PCTP: variants seen among roughly 807,000 people sequenced by gnomAD.
PCTP encodes the protein phosphatidylcholine transfer protein, also known as START domain-containing protein 2.
PCTP carries 27 observed loss-of-function variants against 31.0 expected under a neutral mutation model. That is an observed-to-expected ratio of 0.87 (90% CI 0.64 to 1.20). The LOEUF is 1.20. Among genes scored for constraint, PCTP ranks in the 50% most tolerant of loss-of-function variants. The pLI is 0.00. For missense variants in PCTP, 287 were observed against 268.2 expected, an observed-to-expected ratio of 1.07 and a Z score of -0.49; for synonymous variants, 108 against 101.2, an observed-to-expected ratio of 1.07 and a Z score of -0.40.
At chr17:55,778,392 G>A (rs369560528), downstream of PCTP, among the ~76,000 whole-genome samples, 21 of 152,270 alleles carry the variant, frequency 1.4e-4, 2 homozygotes, top group Admixed American at 9.2e-4. Flanking sequence ...TTTCCAAGTA[G>A]ACAACCAGCA....
At chr17:55,777,626 C>G (rs1286508954), downstream of PCTP, among the ~76,000 whole-genome samples, 1 of 152,144 alleles carries the variant, frequency 6.6e-6, no homozygotes, top group Non-Finnish European at 1.5e-5. Context: ...TCGCTAACAG[C>G]AATAGGTAGG....
chr17:55,759,389 G>A (rs1910219409), intron 1 of PCTP, among the ~76,000 whole-genome samples: 2 of 152,126 alleles, frequency 1.3e-5, no homozygotes, highest in Admixed American at 6.5e-5. Flanking sequence ...TCTTAGAGAG[G>A]TCTTAAATAT....
At chr17:55,824,780 A>G (rs144436523), downstream of PCTP, among the ~76,000 whole-genome samples, 454 of 151,714 alleles carry the variant, frequency 3.0e-3, 1 homozygote, top group African/African-American at 0.011. Flanking sequence ...GCCTCACTAA[A>G]CTCCCTCTTG....
At chr17:55,784,663 T>C (rs1911685907) in intron 2 of PCTP, among the ~76,000 whole-genome samples, 1 of 152,166 alleles carries the variant, frequency 6.6e-6, no homozygotes, top group Admixed American at 6.5e-5. Context: ...AGAAAGGTCA[T>C]TAAAAATAAG....
At chr17:55,774,895 G>T in intron 5 of PCTP, 36 bp downstream of exon 5, 2 of 1,377,526 alleles carry the variant, frequency 1.5e-6, no homozygotes, top group South Asian at 1.2e-5. Flanking sequence ...GGGAGGGATG[G>T]GGGAGTGTGT....
intron 3 of PCTP, among the ~76,000 whole-genome samples, 200 bp downstream of exon 3, chr17:55,771,385 C>G (rs543900922): frequency 8.8e-4 from 134 of 152,332 alleles, no homozygotes; most frequent in African/African-American, 3.1e-3. Flanking sequence ...CTGGGCCCAA[C>G]CACATGAAGT....
chr17:55,775,003 CTCTGGT>C, intron 5 of PCTP, 144 bp downstream of exon 5: 1 of 967,036 alleles, frequency 1.0e-6, no homozygotes, highest in Non-Finnish European at 1.6e-6. Context: ...GGTTGAGTGA[CTCTGGT>C]TAGGGCTGGG....
intron 3 of PCTP, among the ~76,000 whole-genome samples, chr17:55,821,647 A>G (rs753344406): frequency 6.6e-6 from 1 of 152,236 alleles, no homozygotes; most frequent in Non-Finnish European, 1.5e-5. Flanking sequence ...TAAATATGCC[A>G]GGAAACTTTT....
the PCTP span, among the ~76,000 whole-genome samples, chr17:55,849,359 A>G: frequency 6.6e-6 from 1 of 152,366 alleles, no homozygotes; most frequent in African/African-American, 2.4e-5. Flanking sequence ...GCGGTGGCTC[A>G]TGCCTGTAAT....
At chr17:55,819,156 C>T (rs545294578) in intron 3 of PCTP, among the ~76,000 whole-genome samples, 1 of 151,918 alleles carries the variant, frequency 6.6e-6, no homozygotes, top group South Asian at 2.1e-4. Context: ...AGGGAACTTC[C>T]CCAACCTGCT....
downstream of PCTP, among the ~76,000 whole-genome samples, chr17:55,824,827 A>G (rs1420235208): frequency 6.6e-6 from 1 of 152,208 alleles, no homozygotes; most frequent in East Asian, 1.9e-4. Context: ...ATTCCTTGGT[A>G]CACCCAAAGC....
chr17:55,792,226 C>T (rs1912016902), intron 3 of PCTP, among the ~76,000 whole-genome samples: 1 of 149,164 alleles, frequency 6.7e-6, no homozygotes, highest in Non-Finnish European at 1.5e-5. Flanking sequence ...TTAGTGGGTG[C>T]AGCACACCAG....
At chr17:55,795,570 G>A (rs1365999210) in intron 3 of PCTP, among the ~76,000 whole-genome samples, 1 of 152,056 alleles carries the variant, frequency 6.6e-6, no homozygotes, top group Non-Finnish European at 1.5e-5. Context: ...ACCCATGGAA[G>A]GGAGCGTGAC....
chr17:55,762,280 C>T (rs1403366688), intron 1 of PCTP, among the ~76,000 whole-genome samples: 1 of 152,044 alleles, frequency 6.6e-6, no homozygotes, highest in Non-Finnish European at 1.5e-5. Context: ...TCTGGTTGAT[C>T]AGTGGGGGTG....
chr17:55,839,040 A>G (rs1184451211), intron 5 of PCTP, among the ~76,000 whole-genome samples: 1 of 152,174 alleles, frequency 6.6e-6, no homozygotes, highest in African/African-American at 2.4e-5. Context: ...AACAAAACAT[A>G]CACATTCACA....
intron 2 of PCTP, among the ~76,000 whole-genome samples, chr17:55,782,853 G>T (rs1156539026): frequency 6.6e-6 from 1 of 152,156 alleles, no homozygotes; most frequent in South Asian, 2.1e-4. Context: ...TGTCTGCATA[G>T]CATGTAATAC....
At chr17:55,836,842 CA>C (rs1905792631) in intron 5 of PCTP, among the ~76,000 whole-genome samples, 1 of 152,070 alleles carries the variant, frequency 6.6e-6, no homozygotes, top group Admixed American at 6.6e-5. Flanking sequence ...AATAATAAGC[CA>C]AAATTATACA....
At position 55,766,239 on chromosome 17, in the gene PCTP, G is replaced by A. The variant is rs187161432; in HGVS notation, c.142-1096G>A. On this transcript the variant is annotated intron_variant, in intron 1 of 5. Transcript: ENST00000268896. ...GGTCAGTGTTTGGTGTGGCATGAAC[G>A]TCGTCATCAGCTGCTTTTCTTTTTT... Among the ~76,000 whole-genome samples, 322 of 151,650 alleles carry A rather than the reference G, an allele frequency of 2.1e-3. 1 individual carries two copies. The highest frequency in any genetic ancestry group is 7.5e-3 in the African/African-American group (310 of 41,322).
At chr17:55,820,039 A>T (rs1240357266) in intron 3 of PCTP, among the ~76,000 whole-genome samples, 1 of 152,218 alleles carries the variant, frequency 6.6e-6, no homozygotes, top group Non-Finnish European at 1.5e-5. Flanking sequence ...CAAAGACCTT[A>T]AATGTAGGAG....
Sources: gnomAD v4.1 joint callset for allele counts (sites outside exome capture counted in the v4.1 genomes callset) on GRCh38, gnomAD v4.1.1 for gene constraint, MANE v1.5 for transcripts, NCBI Gene and HGNC (gene_info 2026-07-23, HGNC 2026-07-21) for gene names.